TAF4: variants seen among roughly 807,000 people sequenced by gnomAD.
TAF4 encodes the protein TATA-box binding protein associated factor 4.
In TAF4, 9 loss-of-function variants were observed where a neutral mutation model predicts 90.3. The ratio of observed to expected loss-of-function variants is 0.10; its 90% CI spans 0.06 to 0.17. The LOEUF (loss-of-function observed/expected upper bound fraction) is 0.17, where lower values mean the gene tolerates loss of function less well. Among genes scored for constraint, TAF4 ranks in the 10% least tolerant of loss-of-function variants. TAF4 has a pLI of 1.00. For missense variants in TAF4, 1,351 were observed against 1,370.7 expected (o/e 0.99, Z 0.23); for synonymous variants, 818 against 638.9 (o/e 1.28, Z -4.23).
At position 62,000,586 on chromosome 20, in the gene TAF4, G is replaced by T; in HGVS notation, c.2622C>A (p.Leu874=). Residue 874 remains leucine (L), a synonymous_variant, in exon 10 of 15, where the codon CTC becomes CTA. Coordinates refer to ENST00000252996, the MANE Select transcript of TAF4 (RefSeq NM_003185.4). The part of the protein sequence containing the change: ...TRSCKDETFL[L]QAPLQRRILE... ...ATATTCTTCTCTGCAAAGGCGCTTGGAGGAGGAAGGTTTCATCTTTACAGG... is the reference window on the plus strand; with the variant it reads ...ATATTCTTCTCTGCAAAGGCGCTTGTAGGAGGAAGGTTTCATCTTTACAGG... 1 of 1,614,182 alleles carries T rather than the reference G, an allele frequency of 6.2e-7. No individual in the cohort carries two copies. The highest frequency in any genetic ancestry group is 1.3e-5 in the African/African-American group (1 of 75,068).
At chr20:62,047,964 C>T (rs1389666811) in intron 1 of TAF4, among the ~76,000 whole-genome samples, 1 of 152,216 alleles carries the variant, frequency 6.6e-6, no homozygotes, top group East Asian at 1.9e-4. Flanking sequence ...GACCGCCCCA[C>T]ATCAGGGCCA....
chr20:61,997,511 T>C (rs1051230971), intron 14 of TAF4, 39 bp downstream of exon 14: 2 of 1,516,802 alleles, frequency 1.3e-6, no homozygotes. Flanking sequence ...ATGTTCCCCA[T>C]GTTTCCCCCA....
chr20:62,031,491 T>C (rs1371405512), intron 1 of TAF4, among the ~76,000 whole-genome samples: 5 of 152,182 alleles, frequency 3.3e-5, no homozygotes, highest in African/African-American at 1.2e-4. Context: ...AATTTTAACA[T>C]GTGCTCTTTC....
chr20:62,055,083 C>T (rs1415975983), intron 1 of TAF4, among the ~76,000 whole-genome samples: 1 of 152,242 alleles, frequency 6.6e-6, no homozygotes, highest in Non-Finnish European at 1.5e-5. Flanking sequence ...TATGCCCTAT[C>T]CAGCTTCAAA....
chr20:62,006,770 G>A lies in TAF4; in HGVS notation c.1975-12C>T, dbSNP rs2055748858. 6.7e-7 allele frequency: 1 copy of A among 1,485,852 alleles called. No homozygotes were observed. The highest frequency in any genetic ancestry group is 9.0e-7 in the Non-Finnish European group (1 of 1,109,360). 92.0% of individuals were successfully genotyped at this position (1,485,852 alleles called of 1,614,324 possible). ...GCGGGTAAGCTCCTCTGGGTGGAAA[G>A]ACAGACACGAGGGGTCAGGCGGCTG... On this transcript the variant is annotated splice_polypyrimidine_tract_variant and intron_variant, in intron 6 of 14. Coordinates refer to ENST00000252996, the MANE Select transcript of TAF4 (RefSeq NM_003185.4). This position sits in a 1 kb window ranked among gnomAD's most constrained non-coding sequence, Gnocchi z 7.0.
intron 14 of TAF4, 21 bp downstream of exon 14, chr20:61,997,529 G>T (rs370153453): frequency 7.6e-5 from 118 of 1,547,552 alleles, no homozygotes; most frequent in Non-Finnish European, 9.8e-5. Context: ...CCAGGACCTC[G>T]ATCCCACAAC....
intron 1 of TAF4, among the ~76,000 whole-genome samples, chr20:62,043,672 C>G (rs1254331761): frequency 1.3e-5 from 2 of 152,178 alleles, no homozygotes; most frequent in African/African-American, 4.8e-5. Context: ...TGTTTAGATA[C>G]ACAAACTCAC....
chr20:62,050,808 G>C (rs2056022793), intron 1 of TAF4, among the ~76,000 whole-genome samples: 1 of 152,046 alleles, frequency 6.6e-6, no homozygotes, highest in South Asian at 2.1e-4. Flanking sequence ...ACACACATTG[G>C]CCCCAAGAGA....
At chr20:62,027,524 C>T (rs2055881615) in intron 1 of TAF4, among the ~76,000 whole-genome samples, 1 of 152,182 alleles carries the variant, frequency 6.6e-6, no homozygotes, top group South Asian at 2.1e-4. Context: ...TTAGTGAATG[C>T]ACAGGTGTGC....
Position 62,065,477 on chromosome 20 carries a change from G to T in TAF4, c.334C>A (p.Arg112Ser). Residue 112 changes from arginine to serine, a missense_variant, in exon 1 of 15, where the codon CGC becomes AGC. Coordinates refer to ENST00000252996, the MANE Select transcript of TAF4 (RefSeq NM_003185.4). ...PQRPGPPSPR[R>S]PLVPAGPAPP... ...GCGGGCCCTGCGGGGACAAGGGGGC[G>T]GCGCGGTGAGGGGGGGCCCGGGCGC... 1 of 973,332 alleles carries T rather than the reference G, an allele frequency of 1.0e-6. No homozygotes were observed. Among genetic ancestry groups the T allele is most frequent in the South Asian group, 4.6e-5 (1 of 21,852 alleles). 60.3% of individuals were successfully genotyped at this position (973,332 alleles called of 1,614,324 possible). A position where few individuals can be genotyped will look rare whatever the true frequency, so the allele number is the denominator to read the frequency against.
chr20:62,014,012 G>GT (rs1363866628), intron 2 of TAF4, among the ~76,000 whole-genome samples: 1 of 125,462 alleles, frequency 8.0e-6, no homozygotes, highest in African/African-American at 3.8e-5. Context: ...GCTGACGCGG[G>GT]GGTGTGGGTG....
chr20:61,993,294 G>A (rs1370255634), intron 14 of TAF4, among the ~76,000 whole-genome samples: 2 of 152,208 alleles, frequency 1.3e-5, no homozygotes, highest in Admixed American at 6.5e-5. Flanking sequence ...AGCAGCCAGC[G>A]TCCTGCCGCA....
intron 12 of TAF4, 52 bp from the exon 13 acceptor site, chr20:61,998,244 T>A: frequency 6.5e-7 from 1 of 1,546,444 alleles, no homozygotes; most frequent in Non-Finnish European, 8.9e-7. Context: ...TAAATGTTTA[T>A]CATTTAACAA....
chr20:62,056,254 CAAG>C (rs879257263), intron 1 of TAF4, among the ~76,000 whole-genome samples: 4 of 152,082 alleles, frequency 2.6e-5, no homozygotes, highest in African/African-American at 4.8e-5. Flanking sequence ...AAGAAAAAAA[CAAG>C]AACGCGCTTA....
chr20:62,012,857 C>T lies in TAF4; in HGVS notation c.1599G>A (p.Thr533=), dbSNP rs778222434. ...GCTGCAGGGTTGCACTGGGCTGCAC[C>T]GTTGTCTGGGCCTGAGACACTTGCT... is the stretch of plus-strand genomic sequence containing the variant. ...IIKQVSQAQT[T]VQPSATLQRS... Residue 533 remains threonine (T), a synonymous_variant, in exon 3 of 15, where the codon ACG becomes ACA. Coordinates refer to ENST00000252996, the MANE Select transcript of TAF4 (RefSeq NM_003185.4). The T allele has an allele frequency of 6.8e-6, 11 of 1,614,122 alleles. No homozygotes were observed. The Admixed American group carries it at 1.0e-4, about 15-fold the overall frequency.
At chr20:61,993,498 G>A (rs62207111) in intron 14 of TAF4, among the ~76,000 whole-genome samples, 5 of 152,164 alleles carry the variant, frequency 3.3e-5, no homozygotes, top group Non-Finnish European at 7.3e-5. Flanking sequence ...AGGGGTGGGA[G>A]GGCCCTACAG....
chr20:62,038,581 T>C (rs892477481), intron 1 of TAF4, among the ~76,000 whole-genome samples: 8 of 152,120 alleles, frequency 5.3e-5, no homozygotes, highest in African/African-American at 1.9e-4. Context: ...TAAGAATAAA[T>C]TTAACAAAGT....
At position 62,023,020 on chromosome 20, in the gene TAF4, C is replaced by T. The variant is rs545640447; in HGVS notation, c.1361-8313G>A. ...AGACTCACAATAGTTAAGATGTCAA[C>T]TCCTCCCAAACTGATCTGCAGAAGC... On this transcript the variant is annotated intron_variant, in intron 1 of 14. Coordinates refer to ENST00000252996, the MANE Select transcript of TAF4 (RefSeq NM_003185.4). 4.6e-5 allele frequency among the ~76,000 whole-genome samples: 7 copies of T among 152,368 alleles called. No individual in the cohort carries two copies. In the South Asian group the frequency reaches 1.4e-3, roughly 32 times the overall value.
At position 62,000,166 on chromosome 20, in the gene TAF4, C is replaced by T. The variant is rs1461609123; in HGVS notation, c.2745G>A (p.Glu915=). ...ATQQRLQNLV[E]KISETAQQKN... ...TCTGCTGAGCTGTTTCTGATATTTT[C>T]TCTACAAGATTCTGTAGCCTTTGTT... is the stretch of plus-strand genomic sequence containing the variant. Residue 915 remains glutamate (E), a synonymous_variant, in exon 11 of 15, where the codon GAG becomes GAA. Coordinates refer to ENST00000252996, the MANE Select transcript of TAF4 (RefSeq NM_003185.4). 1 of 1,614,252 alleles carries T rather than the reference C, an allele frequency of 6.2e-7. No individual in the cohort carries two copies. The highest frequency in any genetic ancestry group is 1.7e-5 in the Admixed American group (1 of 60,028).
Sources: allele counts gnomAD v4.1 joint callset (sites outside exome capture counted in the v4.1 genomes callset), GRCh38; gene constraint gnomAD v4.1.1; non-coding constraint Gnocchi (gnomAD v3.1); transcripts MANE v1.5; gene names NCBI Gene and HGNC (gene_info 2026-07-23, HGNC 2026-07-21).